The following NETO1 variants were observed in gnomAD, a reference collection of about 807,000 sequenced individuals.
NETO1 encodes the protein neuropilin and tolloid like 1.
Under a neutral mutation model 61.3 loss-of-function variants are expected in NETO1, and 26 were observed. The ratio of observed to expected loss-of-function variants is 0.42; its 90% CI spans 0.31 to 0.59. NETO1 has a LOEUF of 0.59. Among genes scored for constraint, NETO1 ranks in the 20% least tolerant of loss-of-function variants. The probability of loss-of-function intolerance (pLI) is 0.12; values close to 1 mark genes in which losing one functional copy is unlikely to be tolerated. For missense variants in NETO1, 531 were observed against 662.8 expected, an observed-to-expected ratio of 0.80 and a Z score of 2.18; for synonymous variants, 225 against 225.8, an observed-to-expected ratio of 1.00 and a Z score of 0.03.
At chr18:72,784,377 A>T (rs2071843111) in intron 6 of NETO1, among the ~76,000 whole-genome samples, 1 of 152,236 alleles carries the variant, frequency 6.6e-6, no homozygotes, top group Non-Finnish European at 1.5e-5. Flanking sequence ...TGATTTGTTT[A>T]ATCAAATTAT....
chr18:72,857,274 C>A (rs1049111144), intron 4 of NETO1, among the ~76,000 whole-genome samples: 25 of 152,200 alleles, frequency 1.6e-4, no homozygotes, highest in Non-Finnish European at 3.5e-4. Flanking sequence ...GCAGTGAAAT[C>A]TCATTCTATA....
At position 72,807,383 on chromosome 18, in the gene NETO1, T is replaced by G. The variant is rs75730452; in HGVS notation, c.470-12979A>C. On this transcript the variant is annotated intron_variant, in intron 4 of 10. Coordinates refer to ENST00000327305, the MANE Select transcript of NETO1 (RefSeq NM_138966.5). ...CAAGCCCTTTAAAATATTATTGATA[T>G]GTGCTGGGCTTGTAAAGCTTTTTTG... Among the ~76,000 whole-genome samples, 1,232 of 152,310 alleles carry G rather than the reference T, an allele frequency of 8.1e-3. 28 individuals carry two copies. The East Asian group carries it at 0.088, about 11-fold the overall frequency.
chr18:72,763,526 G>A (rs545753703), intron 7 of NETO1, among the ~76,000 whole-genome samples: 2 of 151,968 alleles, frequency 1.3e-5, no homozygotes, highest in South Asian at 4.2e-4. Flanking sequence ...CTCTGTGCTG[G>A]CCTGTGTGGG....
intron 4 of NETO1, among the ~76,000 whole-genome samples, chr18:72,797,871 A>G (rs9962470): frequency 6.6e-6 from 1 of 151,976 alleles, no homozygotes; most frequent in Admixed American, 6.6e-5. Context: ...CTCTGCAATA[A>G]CTTTCTCCTG....
intron 4 of NETO1, among the ~76,000 whole-genome samples, chr18:72,815,854 G>A (rs2073015421): frequency 6.6e-6 from 1 of 152,148 alleles, no homozygotes; most frequent in African/African-American, 2.4e-5. Flanking sequence ...GTGTTATTTA[G>A]TGGCAGAAAG....
chr18:72,749,099 A>G lies in NETO1; in HGVS notation c.1542-11T>C, dbSNP rs113407041. On this transcript the variant is annotated splice_polypyrimidine_tract_variant and intron_variant, in intron 9 of 10. Coordinates refer to ENST00000327305, the MANE Select transcript of NETO1 (RefSeq NM_138966.5). ...CCAATGAGGCAGAACCTGGAATGTT[A>G]TGGCTATTTCATTCAACAAAGTACT... The G allele has an allele frequency of 1.3e-6, 2 of 1,525,896 alleles. No homozygotes were observed. Among genetic ancestry groups the G allele is most frequent in the South Asian group, 1.1e-5 (1 of 89,304 alleles). The allele number at this position is 1,525,896 out of a possible 1,614,324, so 94.5% of individuals were successfully genotyped here. A position where few individuals can be genotyped will look rare whatever the true frequency, so the allele number is the denominator to read the frequency against.
intron 4 of NETO1, among the ~76,000 whole-genome samples, chr18:72,841,355 G>A (rs2073924324): frequency 6.6e-6 from 1 of 152,048 alleles, no homozygotes; most frequent in African/African-American, 2.4e-5. Flanking sequence ...CTTTCGAACA[G>A]GTTACACTTA....
rs566666517 is a variant in NETO1 at position 72,745,021 on chromosome 18, T to C, written c.*3158A>G. ...GTTACTTAACACTGAGGATCATAAC[T>C]TATGGAGTCATCAGACTCACGGAAA... On this transcript the variant is annotated 3_prime_UTR_variant, in exon 11 of 11. Transcript: ENST00000327305. The C allele has an allele frequency of 6.6e-6, 1 of 152,284 alleles. No individual in the cohort carries two copies. Among genetic ancestry groups the C allele is most frequent in the South Asian group, 2.1e-4 (1 of 4,826 alleles). The allele number at this position is 152,284 out of a possible 1,614,324, so 9.4% of individuals were successfully genotyped here.
chr18:72,842,005 T>C (rs2073949150), intron 4 of NETO1, among the ~76,000 whole-genome samples: 1 of 152,134 alleles, frequency 6.6e-6, no homozygotes, highest in Non-Finnish European at 1.5e-5. Flanking sequence ...AATGATGCTA[T>C]TTTTCCACTT....
At chr18:72,843,995 C>T (rs1484207665) in intron 4 of NETO1, among the ~76,000 whole-genome samples, 1 of 152,208 alleles carries the variant, frequency 6.6e-6, no homozygotes, top group Non-Finnish European at 1.5e-5. Flanking sequence ...CAACAAGCTC[C>T]TCTCTCCACC....
At chr18:72,771,724 A>G (rs1325630697) in intron 7 of NETO1, among the ~76,000 whole-genome samples, 6 of 152,298 alleles carry the variant, frequency 3.9e-5, no homozygotes, top group African/African-American at 1.4e-4. Context: ...CTATATTAAT[A>G]AATAGCAATA....
At chr18:72,862,273 A>T (rs2145673015) in intron 3 of NETO1, among the ~76,000 whole-genome samples, 1 of 152,364 alleles carries the variant, frequency 6.6e-6, no homozygotes, top group Non-Finnish European at 1.5e-5. Context: ...CTGCATTTTT[A>T]AGAGCAGTTG....
At chr18:72,815,157 C>T (rs1024757210) in intron 4 of NETO1, among the ~76,000 whole-genome samples, 4 of 152,074 alleles carry the variant, frequency 2.6e-5, no homozygotes, top group African/African-American at 4.8e-5. Flanking sequence ...GTTTAAAGAA[C>T]GGAACTCAAT....
intron 4 of NETO1, among the ~76,000 whole-genome samples, chr18:72,822,460 G>A (rs533304613): frequency 7.2e-4 from 110 of 152,334 alleles, no homozygotes; most frequent in African/African-American, 2.6e-3. Flanking sequence ...CGCAGGACGT[G>A]GGGAGGCGGA....
intron 4 of NETO1, among the ~76,000 whole-genome samples, chr18:72,814,871 A>G (rs1429112415): frequency 3.9e-5 from 6 of 152,090 alleles, no homozygotes; most frequent in African/African-American, 1.4e-4. Context: ...CATCAATGAA[A>G]TATTTCCAGG....
intron 8 of NETO1, among the ~76,000 whole-genome samples, chr18:72,754,269 A>G (rs998133940): frequency 2.6e-5 from 4 of 152,138 alleles, no homozygotes; most frequent in African/African-American, 9.6e-5. Context: ...AAAGAAGGAA[A>G]AGAGAAAAAA....
rs368679370 is a variant in NETO1 at position 72,793,829 on chromosome 18, C to G, written c.639+288G>C. ...TGTAGTTACACTAAGAGCCACGGCT[C>G]TTGCATACCATTTCAATCCATGTTT... is the stretch of plus-strand genomic sequence containing the variant. On this transcript the variant is annotated intron_variant, in intron 6 of 10. Coordinates refer to ENST00000327305, the MANE Select transcript of NETO1 (RefSeq NM_138966.5). Among the ~76,000 whole-genome samples, 13 of 152,334 alleles carry G rather than the reference C, an allele frequency of 8.5e-5. No homozygotes were observed. In the East Asian group the frequency reaches 1.3e-3, roughly 16 times the overall value.
At chr18:72,842,549 G>T (rs192854283) in intron 4 of NETO1, among the ~76,000 whole-genome samples, 11 of 152,252 alleles carry the variant, frequency 7.2e-5, no homozygotes, top group Admixed American at 7.2e-4. Flanking sequence ...TTGTATCAAA[G>T]ATGTTAAGAG....
chr18:72,792,247 C>G (rs924324177), intron 6 of NETO1, among the ~76,000 whole-genome samples: 1 of 152,008 alleles, frequency 6.6e-6, no homozygotes, highest in Admixed American at 6.6e-5. Context: ...GCCTGGCCAA[C>G]GTGGAGAAAC....
Sources: gnomAD v4.1 joint callset for allele counts (sites outside exome capture counted in the v4.1 genomes callset) on GRCh38, gnomAD v4.1.1 for gene constraint, MANE v1.5 for transcripts, NCBI Gene and HGNC (gene_info 2026-07-23, HGNC 2026-07-21) for gene names.